RSRC2: variants seen among roughly 807,000 people sequenced by gnomAD.
RSRC2 encodes arginine/serine-rich coiled-coil protein 2.
A neutral mutation model predicts 61.3 loss-of-function variants in RSRC2; 5 were observed. That is an observed-to-expected ratio of 0.08 (90% CI 0.04 to 0.17). The LOEUF (loss-of-function observed/expected upper bound fraction) is 0.17, where lower values mean the gene tolerates loss of function less well. Among genes scored for constraint, RSRC2 ranks in the 10% least tolerant of loss-of-function variants. The pLI is 1.00. For missense variants in RSRC2, 381 were observed against 518.8 expected, an observed-to-expected ratio of 0.73 and a Z score of 2.58; for synonymous variants, 202 against 166.5, an observed-to-expected ratio of 1.21 and a Z score of -1.64.
chr12:122,505,208 A>C lies in RSRC2; in HGVS notation c.*319T>G. 1 of 225,604 alleles carries C rather than the reference A, an allele frequency of 4.4e-6. No homozygotes were observed. The allele number at this position is 225,604 out of a possible 1,614,324, so 14.0% of individuals were successfully genotyped here. A position where few individuals can be genotyped will look rare whatever the true frequency, so the allele number is the denominator to read the frequency against. On this transcript the variant is annotated 3_prime_UTR_variant, in exon 10 of 10. Transcript: ENST00000331738. ...TGTACAAGGTTAAGTACAAAAGTAC[A>C]CAAGACAGCGGACACGAAAAAATCC...
In RSRC2 at chr12:122,508,459, G is replaced by A. The variant is rs748252808; in HGVS notation, c.806-12C>T. The A allele has an allele frequency of 1.9e-6, 3 of 1,593,874 alleles. No individual in the cohort carries two copies. In the Admixed American group the frequency reaches 5.2e-5, roughly 28 times the overall value. ...TCCAGTAGCTGCAGCTGCTTGAAGA[G>A]AATACAAAAATGGATTTTAAAACGA... On this transcript the variant is annotated splice_polypyrimidine_tract_variant and intron_variant, in intron 7 of 9. Transcript: ENST00000331738.
intron 9 of RSRC2, 67 bp downstream of exon 9, chr12:122,506,767 T>C (rs541937416): frequency 1.6e-5 from 15 of 932,388 alleles, no homozygotes; most frequent in Admixed American, 6.4e-5. Flanking sequence ...ACTAAGAAAA[T>C]GAGGGAAGAA....
intron 5 of RSRC2, 43 bp from the exon 6 acceptor site, chr12:122,515,270 A>G (rs368922257): frequency 1.4e-5 from 22 of 1,583,958 alleles, no homozygotes; most frequent in African/African-American, 2.7e-5. Context: ...TGGCCAAGTC[A>G]TAACTATTTT....
Position 122,517,223 on chromosome 12 carries a change from C to T in RSRC2, c.602+4G>A, listed in dbSNP as rs1307428873. On this transcript the variant is annotated splice_donor_region_variant and intron_variant, in intron 5 of 9. Coordinates refer to ENST00000331738, the MANE Select transcript of RSRC2 (RefSeq NM_023012.6). ...AAATTTTATTCAGGATGATGGTCAC[C>T]TACCGACTCCTACTCCTTGTCCTAC... is the stretch of plus-strand genomic sequence containing the variant. 1.2e-6 allele frequency: 2 copies of T among 1,614,128 alleles called. No homozygotes were observed. The highest frequency in any genetic ancestry group is 1.1e-5 in the South Asian group (1 of 91,082).
chr12:122,515,256 A>G, intron 5 of RSRC2, 29 bp from the exon 6 acceptor site: 1 of 1,602,976 alleles, frequency 6.2e-7, no homozygotes, highest in Non-Finnish European at 8.5e-7. Context: ...CATATGTCAA[A>G]TTATGGCCAA....
At chr12:122,519,657 T>C (rs1163610843) in intron 3 of RSRC2, 1 of 152,672 alleles carries the variant, frequency 6.5e-6, no homozygotes, top group Non-Finnish European at 1.5e-5. Context: ...GTATTACACT[T>C]CATGTACCTA....
intron 3 of RSRC2, chr12:122,520,316 T>TC (rs1470108514): frequency 5.9e-6 from 2 of 337,068 alleles, no homozygotes; most frequent in Non-Finnish European, 1.2e-5. Flanking sequence ...AAAGAAATTT[T>TC]CCTTGGTTTT....
intron 5 of RSRC2, 72 bp downstream of exon 5, chr12:122,517,155 T>C: frequency 6.3e-7 from 1 of 1,597,860 alleles, no homozygotes; most frequent in Non-Finnish European, 8.6e-7. Context: ...ATTTTAATAC[T>C]CTCTTACTGA....
chr12:122,509,899 C>T (rs996875335), intron 7 of RSRC2, among the ~76,000 whole-genome samples: 2 of 152,048 alleles, frequency 1.3e-5, no homozygotes, highest in African/African-American at 2.4e-5. Flanking sequence ...AGTGCAATGG[C>T]GTGATGTTGG....
At chr12:122,512,112 T>C (rs1246192387) in intron 6 of RSRC2, among the ~76,000 whole-genome samples, 2 of 152,170 alleles carry the variant, frequency 1.3e-5, no homozygotes, top group Non-Finnish European at 2.9e-5. Flanking sequence ...AGCCCAAAAA[T>C]GAATGCTTGT....
At chr12:122,524,953 A>G (rs1292585914) in intron 1 of RSRC2, among the ~76,000 whole-genome samples, 1 of 152,234 alleles carries the variant, frequency 6.6e-6, no homozygotes, top group Non-Finnish European at 1.5e-5. Flanking sequence ...GGCTCGAAAC[A>G]TAGACAAATC....
Position 122,517,136 on chromosome 12 carries a change from T to A in RSRC2, c.602+91A>T, listed in dbSNP as rs1003327094. ...TTACCATAATCTATAAATAGAATTG[T>A]GACTCACAATTTTAATACTCTCTTA... On this transcript the variant is annotated intron_variant, in intron 5 of 9. Coordinates refer to ENST00000331738, the MANE Select transcript of RSRC2 (RefSeq NM_023012.6). 7 of 1,565,004 alleles carry A rather than the reference T, an allele frequency of 4.5e-6. No individual in the cohort carries two copies. The South Asian group carries it at 6.8e-5, about 15-fold the overall frequency.
chr12:122,521,133 A>G (rs1593415740), intron 3 of RSRC2: 1 of 405,396 alleles, frequency 2.5e-6, no homozygotes, highest in Non-Finnish European at 4.5e-6. Context: ...AAAACCAATC[A>G]TATTCTTCAT....
In RSRC2 at chr12:122,517,295, A is replaced by G. The variant is rs2137508229; in HGVS notation, c.534T>C (p.Ser178=). The G allele has an allele frequency of 6.2e-7, 1 of 1,614,112 alleles. No individual in the cohort carries two copies. The highest frequency in any genetic ancestry group is 2.2e-5 in the East Asian group (1 of 44,886). ...RSRERKRRIR[S]RSRSRSRHRH... is the part of the protein sequence containing the mutation. ...TGTGTCTTGATCTTGAGCGGGAACGAGACCTGATCCGCCGTTTTCTTTCCC... is the reference window on the plus strand; with the variant it reads ...TGTGTCTTGATCTTGAGCGGGAACGGGACCTGATCCGCCGTTTTCTTTCCC... Residue 178 remains serine, a synonymous_variant, in exon 5 of 10, where the codon TCT becomes TCC. Coordinates refer to ENST00000331738, the MANE Select transcript of RSRC2 (RefSeq NM_023012.6).
intron 6 of RSRC2, among the ~76,000 whole-genome samples, chr12:122,511,945 T>C (rs758239145): frequency 1.3e-5 from 2 of 152,230 alleles, no homozygotes; most frequent in Non-Finnish European, 2.9e-5. Context: ...TAGCCGGGAT[T>C]ACAGGTACAC....
At chr12:122,522,085 C>A in intron 2 of RSRC2, 58 bp downstream of exon 2, 2 of 1,490,426 alleles carry the variant, frequency 1.3e-6, no homozygotes, top group Non-Finnish European at 1.8e-6. Context: ...TCTTATACAA[C>A]AGGTCTACAT....
intron 6 of RSRC2, among the ~76,000 whole-genome samples, chr12:122,511,397 A>G (rs1958500574): frequency 6.6e-6 from 1 of 152,234 alleles, no homozygotes; most frequent in African/African-American, 2.4e-5. Flanking sequence ...CAGTGGTTTT[A>G]AACATTTTTG....
At chr12:122,520,783 T>TA in intron 3 of RSRC2, 1 of 337,138 alleles carries the variant, frequency 3.0e-6, no homozygotes, top group South Asian at 2.3e-5. Flanking sequence ...TACACTTCCT[T>TA]ATTGGCTCAT....
At position 122,519,159 on chromosome 12, in the gene RSRC2, A is replaced by G. The variant is rs937986052; in HGVS notation, c.208-130T>C. The G allele has an allele frequency of 1.0e-5, 7 of 693,164 alleles. No individual in the cohort carries two copies. The African/African-American group carries it at 1.3e-4, about 12-fold the overall frequency. The allele number at this position is 693,164 out of a possible 1,614,324, so 42.9% of individuals were successfully genotyped here. A position where few individuals can be genotyped will look rare whatever the true frequency, so the allele number is the denominator to read the frequency against. On this transcript the variant is annotated intron_variant, in intron 3 of 9. Transcript: ENST00000331738. ...GGAGTGTGTGGCAAATAAAAAAAAG[A>G]TCTAGTTTCACATCACCCAAATGTT...
Sources: allele counts gnomAD v4.1 joint callset (sites outside exome capture counted in the v4.1 genomes callset), GRCh38; gene constraint gnomAD v4.1.1; transcripts MANE v1.5; gene names NCBI Gene and HGNC (gene_info 2026-07-23, HGNC 2026-07-21).